Variants in AXDND1 observed in about 807,000 individuals in gnomAD.
AXDND1 encodes axonemal dynein light chain domain containing 1.
AXDND1 carries 110 observed loss-of-function variants against 137.5 expected under a neutral mutation model. The ratio of observed to expected loss-of-function variants is 0.80; its 90% CI spans 0.69 to 0.94. AXDND1 has a LOEUF of 0.94. Among genes scored for constraint, AXDND1 ranks in the 40% least tolerant of loss-of-function variants. The pLI is 0.00. For synonymous variants in AXDND1, 414 were observed against 399.7 expected, an observed-to-expected ratio of 1.04 and a Z score of -0.43; for missense variants, 1,191 against 1,169.8, an observed-to-expected ratio of 1.02 and a Z score of -0.26.
chr1:179,513,172 C>G (rs1669211960), intron 21 of AXDND1, among the ~76,000 whole-genome samples: 1 of 152,048 alleles, frequency 6.6e-6, no homozygotes, highest in African/African-American at 2.4e-5. Flanking sequence ...TTCAGCTTTC[C>G]CCATCCAATA....
chr1:179,554,324 A>C (rs1673757780), intron 25 of AXDND1, 188 bp from the exon 26 acceptor site: 1 of 811,090 alleles, frequency 1.2e-6, no homozygotes, highest in Non-Finnish European at 2.0e-6. Context: ...TTATGGCTGT[A>C]AGATATTAGG....
chr1:179,485,398 T>C (rs1430223317), intron 18 of AXDND1, among the ~76,000 whole-genome samples: 1 of 152,136 alleles, frequency 6.6e-6, no homozygotes, highest in Non-Finnish European at 1.5e-5. Flanking sequence ...ACCCTAGAGT[T>C]AGAGCATGCA....
intron 17 of AXDND1, among the ~76,000 whole-genome samples, chr1:179,481,169 T>C (rs988150713): frequency 2.6e-5 from 4 of 152,098 alleles, no homozygotes; most frequent in African/African-American, 7.2e-5. Context: ...GTGTGTGATG[T>C]TCCCCTTCCT....
intron 17 of AXDND1, among the ~76,000 whole-genome samples, chr1:179,478,276 C>T (rs1186615281): frequency 6.6e-6 from 1 of 152,240 alleles, no homozygotes; most frequent in Non-Finnish European, 1.5e-5. Context: ...GCCCACCTCA[C>T]ATTTCCCTTC....
chr1:179,428,560 C>A (rs1222928209), intron 12 of AXDND1, among the ~76,000 whole-genome samples: 1 of 152,230 alleles, frequency 6.6e-6, no homozygotes, highest in Non-Finnish European at 1.5e-5. Flanking sequence ...CTATGAGACC[C>A]TTTTAAGAGC....
intron 25 of AXDND1, among the ~76,000 whole-genome samples, chr1:179,553,798 G>A (rs1335715228): frequency 1.3e-5 from 2 of 152,062 alleles, no homozygotes; most frequent in African/African-American, 2.4e-5. Flanking sequence ...CCGGGCTGGA[G>A]TGCAATGCAC....
intron 18 of AXDND1, among the ~76,000 whole-genome samples, chr1:179,484,261 C>A (rs1166807042): frequency 6.6e-6 from 1 of 152,172 alleles, no homozygotes; most frequent in African/African-American, 2.4e-5. Flanking sequence ...GTACTCCCAG[C>A]TAGTGTGGAG....
At chr1:179,551,140 G>C (rs1558336053) in intron 25 of AXDND1, 1 of 1,612,808 alleles carries the variant, frequency 6.2e-7, no homozygotes, top group Non-Finnish European at 8.5e-7. Context: ...TCTATGGCAG[G>C]CCCCTTTACA....
intron 16 of AXDND1, among the ~76,000 whole-genome samples, chr1:179,446,003 A>G (rs925073135): frequency 6.6e-6 from 1 of 152,174 alleles, no homozygotes; most frequent in African/African-American, 2.4e-5. Context: ...ACTTGCTAGT[A>G]CTTGTCTCAC....
At chr1:179,382,328 G>A (rs1213248880) in intron 6 of AXDND1, among the ~76,000 whole-genome samples, 1 of 152,034 alleles carries the variant, frequency 6.6e-6, no homozygotes, top group Admixed American at 6.6e-5. Context: ...TGATCTGCCC[G>A]CCTCAGCCTC....
intron 12 of AXDND1, among the ~76,000 whole-genome samples, chr1:179,420,804 G>A (rs1320601947): frequency 6.6e-6 from 1 of 151,950 alleles, no homozygotes; most frequent in Non-Finnish European, 1.5e-5. Flanking sequence ...TGTATTTTTA[G>A]TAGAGACGGT....
At chr1:179,380,758 G>C (rs1648130847) in intron 6 of AXDND1, among the ~76,000 whole-genome samples, 1 of 152,072 alleles carries the variant, frequency 6.6e-6, no homozygotes, top group Non-Finnish European at 1.5e-5. Flanking sequence ...TTGCCCAAGA[G>C]AACCAAATGA....
chr1:179,478,803 T>C (rs887974590), intron 17 of AXDND1, among the ~76,000 whole-genome samples: 1 of 152,174 alleles, frequency 6.6e-6, no homozygotes, highest in Non-Finnish European at 1.5e-5. Context: ...GTTTCCCTTT[T>C]AAAACTGAAT....
intron 20 of AXDND1, chr1:179,506,729 CA>C (rs1188449773): frequency 1.0e-5 from 4 of 385,366 alleles, no homozygotes; most frequent in South Asian, 1.1e-4. Context: ...GACTCTGTGT[CA>C]AAAAAACAAA....
chr1:179,368,715 A>G (rs1001260776), intron 2 of AXDND1, 85 bp from the exon 3 acceptor site: 1 of 1,065,468 alleles, frequency 9.4e-7, no homozygotes, highest in Non-Finnish European at 1.4e-6. Flanking sequence ...TTAGAAACAG[A>G]TGGGATTGAT....
intron 23 of AXDND1, among the ~76,000 whole-genome samples, chr1:179,530,645 A>G (rs893448535): frequency 1.6e-4 from 24 of 152,144 alleles, no homozygotes; most frequent in Middle Eastern, 6.8e-3. Context: ...CAGTAAGTCC[A>G]TGTTCAAAAG....
chr1:179,519,461 C>T (rs1309914995), intron 21 of AXDND1, among the ~76,000 whole-genome samples: 1 of 152,018 alleles, frequency 6.6e-6, no homozygotes, highest in Non-Finnish European at 1.5e-5. Context: ...AATCTTTTCC[C>T]GTTTCTATGT....
At chr1:179,514,376 T>C (rs1669328397) in intron 21 of AXDND1, among the ~76,000 whole-genome samples, 1 of 152,144 alleles carries the variant, frequency 6.6e-6, no homozygotes, top group Non-Finnish European at 1.5e-5. Context: ...ATTTGCATGG[T>C]CTTGAAGGTT....
At chr1:179,438,673 C>T (rs1415680847) in intron 15 of AXDND1, among the ~76,000 whole-genome samples, 8 of 152,094 alleles carry the variant, frequency 5.3e-5, no homozygotes, top group Non-Finnish European at 1.0e-4. Context: ...AGGGATGCGA[C>T]CTAAAAACCA....
Sources: gnomAD v4.1 joint callset for allele counts (sites outside exome capture counted in the v4.1 genomes callset) on GRCh38, gnomAD v4.1.1 for gene constraint, MANE v1.5 for transcripts, NCBI Gene and HGNC (gene_info 2026-07-23, HGNC 2026-07-21) for gene names.